Variants in B3GALT1 observed in about 807,000 individuals in gnomAD.
B3GALT1 encodes the protein beta-1,3-galactosyltransferase 1.
A neutral mutation model predicts 23.2 loss-of-function variants in B3GALT1; 10 were observed. That is an observed-to-expected ratio of 0.43 (90% CI 0.27 to 0.73). The LOEUF (loss-of-function observed/expected upper bound fraction) is 0.73. Ranked by LOEUF, B3GALT1 falls within the 30% of genes least tolerant of loss-of-function variation. B3GALT1 has a pLI of 0.21. For missense variants in B3GALT1, 299 were observed against 405.4 expected, an observed-to-expected ratio of 0.74 and a Z score of 2.25; for synonymous variants, 156 against 141.5, an observed-to-expected ratio of 1.10 and a Z score of -0.73.
chr2:167,869,128 C>CTT lies in B3GALT1; in HGVS notation c.90_91dup (p.Ser31PhefsTer12). 1 of 1,614,188 alleles carries CTT rather than the reference C, an allele frequency of 6.2e-7. No individual in the cohort carries two copies. Among genetic ancestry groups the CTT allele is most frequent in the Non-Finnish European group, 8.5e-7 (1 of 1,180,026 alleles). On this transcript the variant is annotated frameshift_variant, in exon 5 of 5. Transcript: ENST00000392690. LOFTEE classifies it high-confidence loss of function. This position sits in a 1 kb window ranked among gnomAD's most constrained non-coding sequence, Gnocchi z 6.4. ...TACTTGAGTATAACTCGCCCTACTTCTTCTTACACTGGCTCCAAACCATTC... is the reference window on the plus strand; with the variant it reads ...TACTTGAGTATAACTCGCCCTACTTCTTTTCTTACACTGGCTCCAAACCATTC...
chr2:167,657,094 A>G (rs1359078912), intron 3 of B3GALT1, among the ~76,000 whole-genome samples: 1 of 152,226 alleles, frequency 6.6e-6, no homozygotes, highest in East Asian at 1.9e-4. Flanking sequence ...GAGATAGGCA[A>G]CATTGGGAAA....
intron 4 of B3GALT1, among the ~76,000 whole-genome samples, chr2:167,845,039 T>G (rs1453733272): frequency 6.6e-6 from 1 of 151,866 alleles, no homozygotes; most frequent in Non-Finnish European, 1.5e-5. Context: ...GGTAGACAAC[T>G]CCAATGACCT....
At chr2:167,591,455 C>G (rs775773229) in intron 2 of B3GALT1, among the ~76,000 whole-genome samples, 1 of 151,872 alleles carries the variant, frequency 6.6e-6, no homozygotes, top group Non-Finnish European at 1.5e-5. Flanking sequence ...CCATGTTTTA[C>G]TTTAATTAAT....
At chr2:167,723,345 C>T (rs535925173) in intron 3 of B3GALT1, among the ~76,000 whole-genome samples, 2 of 152,196 alleles carry the variant, frequency 1.3e-5, no homozygotes, top group South Asian at 4.2e-4. Context: ...AACTACAGGA[C>T]TTAATGAAAA....
In B3GALT1 at chr2:167,869,303, C is replaced by G. The variant is rs1226291534; in HGVS notation, c.264C>G (p.His88Gln). The G allele has an allele frequency of 6.2e-7, 1 of 1,614,016 alleles. No individual in the cohort carries two copies. The highest frequency in any genetic ancestry group is 1.3e-5 in the African/African-American group (1 of 74,918). Residue 88 changes from histidine to glutamine, a missense_variant, in exon 5 of 5, where the codon CAC (histidine) becomes CAG (glutamine). His to Gln is a conservative substitution (Grantham distance 24, BLOSUM62 0). Coordinates refer to ENST00000392690, the MANE Select transcript of B3GALT1 (RefSeq NM_020981.4). This position sits in a 1 kb window ranked among gnomAD's most constrained non-coding sequence, Gnocchi z 6.4. ...TTGTTATCCTCATCAGCACCACTCA[C>G]AAGGAATTTGATGCCCGTCAGGCAA... ...PFLVILISTT[H>Q]KEFDARQAIR...
chr2:167,770,063 G>A (rs11689110), intron 3 of B3GALT1, among the ~76,000 whole-genome samples: 21,766 of 152,078 alleles, frequency 0.14, 1,778 homozygotes, highest in East Asian at 0.35. Flanking sequence ...GTATTGTCTG[G>A]TTATTGCTTG....
chr2:167,441,440 G>A (rs1698891897), intron 1 of B3GALT1, among the ~76,000 whole-genome samples: 1 of 152,066 alleles, frequency 6.6e-6, no homozygotes, highest in African/African-American at 2.4e-5. Flanking sequence ...CAGGTCTTGG[G>A]TTTGTTACAA....
At chr2:167,770,470 GTTGT>G (rs1310729570) in intron 3 of B3GALT1, among the ~76,000 whole-genome samples, 1 of 152,096 alleles carries the variant, frequency 6.6e-6, no homozygotes, top group Non-Finnish European at 1.5e-5. Flanking sequence ...TTTTAATTAG[GTTGT>G]TTATTGTTCA....
At chr2:167,438,039 T>C (rs1159752889) in intron 1 of B3GALT1, among the ~76,000 whole-genome samples, 1 of 152,224 alleles carries the variant, frequency 6.6e-6, no homozygotes, top group East Asian at 1.9e-4. Context: ...ACAATTTCTA[T>C]CATGTTCTAA....
chr2:167,672,742 G>A (rs1012794010), intron 3 of B3GALT1, among the ~76,000 whole-genome samples: 6 of 152,114 alleles, frequency 3.9e-5, no homozygotes, highest in African/African-American at 1.4e-4. Flanking sequence ...TACATAGTAA[G>A]TGCTGTATAA....
At chr2:167,545,848 T>C (rs1044062485) in intron 2 of B3GALT1, among the ~76,000 whole-genome samples, 1 of 152,230 alleles carries the variant, frequency 6.6e-6, no homozygotes. Flanking sequence ...ACCCAAAGTG[T>C]TTTGAATTTC....
At chr2:167,771,435 A>G (rs1261149551) in intron 3 of B3GALT1, among the ~76,000 whole-genome samples, 2 of 152,032 alleles carry the variant, frequency 1.3e-5, no homozygotes, top group Non-Finnish European at 2.9e-5. Flanking sequence ...ATTTAAACAA[A>G]CAAACAAACA....
chr2:167,823,783 C>T (rs1215374986), intron 4 of B3GALT1, among the ~76,000 whole-genome samples: 1 of 152,132 alleles, frequency 6.6e-6, no homozygotes, highest in Non-Finnish European at 1.5e-5. Flanking sequence ...ATGCTGTCAG[C>T]ATATCACCCA....
At chr2:167,818,344 G>A (rs1689038406) in intron 3 of B3GALT1, among the ~76,000 whole-genome samples, 1 of 152,136 alleles carries the variant, frequency 6.6e-6, no homozygotes, top group African/African-American at 2.4e-5. Context: ...CCCTTCAGGT[G>A]GGGCATGGGC....
At chr2:167,548,088 C>T (rs1683674480) in intron 2 of B3GALT1, among the ~76,000 whole-genome samples, 1 of 152,188 alleles carries the variant, frequency 6.6e-6, no homozygotes, top group South Asian at 2.1e-4. Flanking sequence ...TCTGCTTTTA[C>T]TCATGATAGA....
intron 2 of B3GALT1, among the ~76,000 whole-genome samples, chr2:167,610,870 G>T (rs1344015594): frequency 7.5e-6 from 1 of 132,788 alleles, no homozygotes; most frequent in Non-Finnish European, 1.5e-5. Flanking sequence ...GAAGTTGTTT[G>T]GGAAATAATT....
chr2:167,493,394 T>C (rs989167123), intron 2 of B3GALT1, among the ~76,000 whole-genome samples: 1 of 152,204 alleles, frequency 6.6e-6, no homozygotes, highest in East Asian at 1.9e-4. Context: ...TACAAAGCCC[T>C]ACATCAGTTA....
intron 2 of B3GALT1, among the ~76,000 whole-genome samples, chr2:167,562,339 C>T (rs1442588448): frequency 6.6e-6 from 1 of 152,178 alleles, no homozygotes; most frequent in Non-Finnish European, 1.5e-5. Flanking sequence ...GACAAACCCA[C>T]AGCCAATATC....
At chr2:167,357,250 A>G (rs1407426241) in intron 1 of B3GALT1, among the ~76,000 whole-genome samples, 1 of 152,060 alleles carries the variant, frequency 6.6e-6, no homozygotes, top group Non-Finnish European at 1.5e-5. Context: ...ATTAACTTAC[A>G]TTTCTCTTAT....
Sources: gnomAD v4.1 joint callset for allele counts (sites outside exome capture counted in the v4.1 genomes callset) on GRCh38, gnomAD v4.1.1 for gene constraint, Gnocchi (gnomAD v3.1) non-coding constraint, MANE v1.5 for transcripts, NCBI Gene and HGNC (gene_info 2026-07-23, HGNC 2026-07-21) for gene names.